The following RNF38 variants were observed in gnomAD, a reference collection of about 807,000 sequenced individuals.
The protein encoded by RNF38 is ring finger protein 38.
RNF38 carries 15 observed loss-of-function variants against 67.2 expected under a neutral mutation model. The observed-to-expected ratio is 0.22, with a 90% CI of 0.15 to 0.34. The LOEUF (loss-of-function observed/expected upper bound fraction) is 0.34. Among genes scored for constraint, RNF38 ranks in the 10% least tolerant of loss-of-function variants. The probability of loss-of-function intolerance (pLI) is 1.00; values close to 1 mark genes in which losing one functional copy is unlikely to be tolerated. For missense variants in RNF38, 524 were observed against 639.9 expected, an observed-to-expected ratio of 0.82 and a Z score of 1.95; for synonymous variants, 220 against 218.8, an observed-to-expected ratio of 1.01 and a Z score of -0.05.
rs1833792338 is a variant in RNF38 at position 36,352,776 on chromosome 9, G to A, written c.1144C>T (p.Pro382Ser). ...GGCAGTAAGCTGGGATGATAAGGGG[G>A]AGGTGGTATTGGCTGCTGGGATCGG... ...RYRSQQPIPP[P>S]PYHPSLLPYV... The change falls in exon 8 of 12, where the codon CCC (proline) becomes TCC (serine). Residue 382 changes from proline (P) to serine (S), a missense_variant. By Grantham distance (74) the Pro-to-Ser change is moderately conservative. Around this residue, in one of 2 missense-constraint regions of RNF38, gnomAD observed 461 missense variants for 517.4 expected, o/e 0.89. Transcript: ENST00000259605. 1 of 1,613,992 alleles carries A rather than the reference G, an allele frequency of 6.2e-7. No homozygotes were observed. Among genetic ancestry groups the A allele is most frequent in the Non-Finnish European group, 8.5e-7 (1 of 1,179,884 alleles).
intron 1 of RNF38, among the ~76,000 whole-genome samples, chr9:36,399,604 G>C (rs1296369886): frequency 6.6e-6 from 1 of 151,136 alleles, no homozygotes; most frequent in East Asian, 1.9e-4. Context: ...CTTCCAGTCA[G>C]AAATTTCATC....
intron 1 of RNF38, among the ~76,000 whole-genome samples, chr9:36,429,716 C>T (rs1259624169): frequency 6.6e-6 from 1 of 152,142 alleles, no homozygotes; most frequent in Non-Finnish European, 1.5e-5. Flanking sequence ...ATTGTTTGTA[C>T]CCAGGAGTCA....
chr9:36,406,906 A>G (rs1470585857), intron 2 of RNF38, among the ~76,000 whole-genome samples: 1 of 152,206 alleles, frequency 6.6e-6, no homozygotes, highest in Non-Finnish European at 1.5e-5. Context: ...TCACGCCTGT[A>G]ATCCCAGCAC....
At chr9:36,459,847 T>C (rs10119508) in intron 1 of RNF38, among the ~76,000 whole-genome samples, 150,682 of 151,792 alleles carry the variant, frequency 0.99, 74,800 homozygotes, top group Middle Eastern at 1. Context: ...AAAAGAAAAT[T>C]GAGAAAGGAT....
intron 1 of RNF38, among the ~76,000 whole-genome samples, chr9:36,426,350 C>G (rs542799650): frequency 5.3e-5 from 8 of 152,170 alleles, no homozygotes; most frequent in Admixed American, 1.3e-4. Context: ...CCCTGAGCCA[C>G]TGACAACCAC....
At chr9:36,351,628 T>C (rs1011464399) in intron 8 of RNF38, among the ~76,000 whole-genome samples, 2 of 152,030 alleles carry the variant, frequency 1.3e-5, no homozygotes, top group Non-Finnish European at 2.9e-5. Context: ...GAAAGATAAA[T>C]AGAGAAAACG....
At chr9:36,437,513 A>G (rs1254435187) in intron 1 of RNF38, among the ~76,000 whole-genome samples, 1 of 152,184 alleles carries the variant, frequency 6.6e-6, no homozygotes, top group African/African-American at 2.4e-5. Flanking sequence ...AAAACCGAAG[A>G]AGAAAAGTCA....
At chr9:36,434,619 C>A (rs1264354981) in intron 1 of RNF38, among the ~76,000 whole-genome samples, 1 of 152,122 alleles carries the variant, frequency 6.6e-6, no homozygotes, top group Admixed American at 6.5e-5. Flanking sequence ...GAACTCCTGA[C>A]CTCAGGTGAT....
chr9:36,369,556 T>G (rs1337188741), intron 4 of RNF38, among the ~76,000 whole-genome samples, 163 bp downstream of exon 4: 1 of 152,158 alleles, frequency 6.6e-6, no homozygotes, highest in Non-Finnish European at 1.5e-5. Context: ...CTATGGAAGC[T>G]GTGTAGAATT....
intron 2 of RNF38, among the ~76,000 whole-genome samples, chr9:36,409,019 TCTA>T (rs988429159): frequency 6.6e-6 from 1 of 152,132 alleles, no homozygotes; most frequent in African/African-American, 2.4e-5. Context: ...AAACCCTCTC[TCTA>T]CTAAAAATAC....
At chr9:36,381,163 C>G (rs886102066) in intron 2 of RNF38, among the ~76,000 whole-genome samples, 2 of 152,164 alleles carry the variant, frequency 1.3e-5, no homozygotes, top group Non-Finnish European at 2.9e-5. Context: ...CTGTGAACCT[C>G]TAAACATAAA....
chr9:36,349,402 C>G (rs1833530934), intron 9 of RNF38, among the ~76,000 whole-genome samples: 1 of 152,156 alleles, frequency 6.6e-6, no homozygotes, highest in South Asian at 2.1e-4. Flanking sequence ...TTTCATATAC[C>G]TGGTTGGACA....
intron 2 of RNF38, among the ~76,000 whole-genome samples, chr9:36,409,323 GAAAA>G (rs772635695): frequency 3.6e-4 from 50 of 139,522 alleles, no homozygotes; most frequent in Admixed American, 7.8e-4. Flanking sequence ...AAGAAAGAAA[GAAAA>G]AGAAAGAAAG....
chr9:36,458,569 C>T (rs1201196371), intron 1 of RNF38, among the ~76,000 whole-genome samples: 1 of 151,644 alleles, frequency 6.6e-6, no homozygotes. Context: ...TCCTGACGTG[C>T]CACCTTTAAG....
rs1834715933 is a variant in RNF38, at chr9:36,363,491, T to C, written c.571-5549A>G. 2.0e-5 allele frequency among the ~76,000 whole-genome samples: 2 copies of C among 100,920 alleles called. 1 individual carries two copies. Among genetic ancestry groups the C allele is most frequent in the African/African-American group, 6.0e-5 (2 of 33,594 alleles). The allele number at this position is 100,920 out of a possible 152,430, so 66.2% of individuals were successfully genotyped here. A position where few individuals can be genotyped will look rare whatever the true frequency, so the allele number is the denominator to read the frequency against. On this transcript the variant is annotated intron_variant, in intron 4 of 11. Coordinates refer to ENST00000259605, the MANE Select transcript of RNF38 (RefSeq NM_022781.5). ...TTTAATTTTGGCCCTCAAAATGTCA[T>C]GTTTTCATTTGGTCACCCAACTGTC... is the stretch of plus-strand genomic sequence containing the variant.
intron 1 of RNF38, among the ~76,000 whole-genome samples, chr9:36,437,126 T>C: frequency 1.3e-5 from 2 of 152,230 alleles, no homozygotes; most frequent in East Asian, 3.8e-4. Context: ...TCCAGCCCTT[T>C]CCTTCACGCT....
At chr9:36,486,033 G>A (rs1840402031) in intron 1 of RNF38, among the ~76,000 whole-genome samples, 2 of 152,162 alleles carry the variant, frequency 1.3e-5, no homozygotes, top group Non-Finnish European at 2.9e-5. Flanking sequence ...CATCACGTTT[G>A]GCACCTTCTT....
chr9:36,400,852 GC>G (rs1300474851), upstream of RNF38: 66 of 983,754 alleles, frequency 6.7e-5, no homozygotes, highest in Admixed American at 7.4e-4. Flanking sequence ...CCGGGCCTCG[GC>G]CCCGTCCCGC....
chr9:36,375,666 CA>C (rs1235468326), intron 3 of RNF38, among the ~76,000 whole-genome samples: 2 of 152,216 alleles, frequency 1.3e-5, no homozygotes, highest in African/African-American at 4.8e-5. Context: ...TAGTCCACAA[CA>C]ATCTGTACCT....
Sources: allele counts gnomAD v4.1 joint callset (sites outside exome capture counted in the v4.1 genomes callset), GRCh38; gene constraint gnomAD v4.1.1; regional missense constraint gnomAD v4.1.1; transcripts MANE v1.5; gene names NCBI Gene and HGNC (gene_info 2026-07-23, HGNC 2026-07-21).